Variants in ATXN7 observed in about 807,000 individuals in gnomAD.
The protein encoded by ATXN7 is ataxin 7, also known as ataxin-7.
A neutral mutation model predicts 70.5 loss-of-function variants in ATXN7; 12 were observed. The ratio of observed to expected loss-of-function variants is 0.17; its 90% CI spans 0.11 to 0.28. The LOEUF (loss-of-function observed/expected upper bound fraction) is 0.28, where lower values mean the gene tolerates loss of function less well. Ranked by LOEUF, ATXN7 falls within the 10% of genes least tolerant of loss-of-function variation. ATXN7 has a pLI of 1.00. For synonymous variants in ATXN7, 498 were observed against 448.7 expected, an observed-to-expected ratio of 1.11 and a Z score of -1.39; for missense variants, 1,256 against 1,131.7, an observed-to-expected ratio of 1.11 and a Z score of -1.58.
chr3:63,878,440 T>C (rs1237168820), intron 1 of ATXN7: 1 of 152,176 alleles, frequency 6.6e-6, no homozygotes, highest in Non-Finnish European at 1.5e-5. Context: ...GTTTAAAAGG[T>C]GTCGTTTCTG....
chr3:63,961,261 T>C (rs2075126034), intron 5 of ATXN7, among the ~76,000 whole-genome samples: 1 of 152,242 alleles, frequency 6.6e-6, no homozygotes, highest in Non-Finnish European at 1.5e-5. Context: ...TATTTTTTCA[T>C]GTTAATACAT....
intron 2 of ATXN7, among the ~76,000 whole-genome samples, chr3:63,903,485 G>A (rs1049349323): frequency 1.1e-4 from 16 of 149,570 alleles, no homozygotes; most frequent in African/African-American, 2.5e-4. Flanking sequence ...CACTTCTTTC[G>A]TTTGGACCAT....
intron 4 of ATXN7, among the ~76,000 whole-genome samples, chr3:63,928,077 G>C (rs1329986945): frequency 6.6e-6 from 1 of 152,074 alleles, no homozygotes; most frequent in African/African-American, 2.4e-5. Context: ...ATCAGTGCTG[G>C]GTAGTCTTTG....
intron 5 of ATXN7, among the ~76,000 whole-genome samples, chr3:63,971,922 TTTTTTG>T (rs545832733): frequency 1.2e-4 from 19 of 152,182 alleles, no homozygotes; most frequent in South Asian, 6.2e-4. Context: ...GTGCTGAGTT[TTTTTTG>T]TTTTTGTTTT....
At chr3:63,909,667 T>C (rs1451742676) in intron 2 of ATXN7, among the ~76,000 whole-genome samples, 4 of 152,202 alleles carry the variant, frequency 2.6e-5, no homozygotes, top group African/African-American at 7.2e-5. Context: ...GGTGACTCAT[T>C]CCAACTTTAA....
rs892589506 is a variant in ATXN7 at position 64,001,445 on chromosome 3, G to A, written c.*1978G>A. ...TACCTAGTTGATTCCTTGGTGACAA[G>A]TGCAATGGGGTATGGGTAGAATTTA... On this transcript the variant is annotated 3_prime_UTR_variant, in exon 13 of 13. Transcript: ENST00000674280. 1 of 152,186 alleles carries A rather than the reference G, an allele frequency of 6.6e-6. No individual in the cohort carries two copies. Among genetic ancestry groups the A allele is most frequent in the African/African-American group, 2.4e-5 (1 of 41,436 alleles). The allele number at this position is 152,186 out of a possible 1,614,324, so 9.4% of individuals were successfully genotyped here. A position where few individuals can be genotyped will look rare whatever the true frequency, so the allele number is the denominator to read the frequency against.
Position 63,998,395 on chromosome 3 carries a change from CTTTT to C in ATXN7, c.2662-1050_2662-1047del, listed in dbSNP as rs897606411. ...GTATACACACACGTATACACACACA[CTTTT>C]TTTTCTCTTCTTAAATCTGGTATAG... On this transcript the variant is annotated intron_variant, in intron 12 of 12. Transcript: ENST00000674280. 8 of 985,034 alleles carry C rather than the reference CTTTT, an allele frequency of 8.1e-6. No individual in the cohort carries two copies. In the African/African-American group the frequency reaches 1.1e-4, roughly 13 times the overall value. The allele number at this position is 985,034 out of a possible 1,614,324, so 61.0% of individuals were successfully genotyped here.
chr3:63,978,671 G>A (rs147830001), intron 5 of ATXN7, among the ~76,000 whole-genome samples: 2 of 152,266 alleles, frequency 1.3e-5, no homozygotes, highest in African/African-American at 4.8e-5. Flanking sequence ...CTTGATTGTA[G>A]CCTTTGTGTA....
intron 2 of ATXN7, among the ~76,000 whole-genome samples, chr3:63,899,614 T>G (rs780037838): frequency 2.0e-5 from 3 of 150,808 alleles, no homozygotes; most frequent in Non-Finnish European, 4.4e-5. Context: ...CTCTAGAAAT[T>G]TTTTTTTTCT....
At chr3:63,939,743 A>G (rs914518945) in intron 4 of ATXN7, among the ~76,000 whole-genome samples, 1 of 152,154 alleles carries the variant, frequency 6.6e-6, no homozygotes, top group African/African-American at 2.4e-5. Context: ...CCAACTCCAC[A>G]GTAACTTTGA....
intron 5 of ATXN7, among the ~76,000 whole-genome samples, chr3:63,954,330 C>T (rs1209223592): frequency 6.6e-6 from 1 of 152,188 alleles, no homozygotes; most frequent in African/African-American, 2.4e-5. Context: ...ACAAGGTTGA[C>T]GTGAGCAAGC....
At chr3:63,918,535 G>C (rs910397159) in intron 4 of ATXN7, among the ~76,000 whole-genome samples, 1 of 152,204 alleles carries the variant, frequency 6.6e-6, no homozygotes, top group African/African-American at 2.4e-5. Context: ...TCATGGCCCA[G>C]TCTTGCTTCA....
At chr3:63,892,752 C>G (rs893961307) in intron 1 of ATXN7, among the ~76,000 whole-genome samples, 1 of 152,136 alleles carries the variant, frequency 6.6e-6, no homozygotes, top group Non-Finnish European at 1.5e-5. Context: ...TCCATTTTAT[C>G]CAATTCAATT....
chr3:63,951,682 T>C lies in ATXN7; in HGVS notation c.395-697T>C, dbSNP rs1352243098. Among the ~76,000 whole-genome samples the C allele has an allele frequency of 2.0e-5, 3 of 152,354 alleles. No homozygotes were observed. The East Asian group carries it at 5.8e-4, about 29-fold the overall frequency. ...GGTATCAAGTTACTTTCAGTTTTCA[T>C]GTATATGCAGACAGTTTAGTTTTAC... On this transcript the variant is annotated intron_variant, in intron 4 of 12. Coordinates refer to ENST00000674280, the MANE Select transcript of ATXN7 (RefSeq NM_001377405.1).
In ATXN7 at chr3:63,980,037, A is replaced by G. The variant is rs767847989; in HGVS notation, c.622A>G (p.Ser208Gly). The change falls in exon 6 of 13, where the codon AGT (serine) becomes GGT (glycine). Residue 208 changes from serine (S) to glycine (G), a missense_variant. Physicochemically the swap from Ser to Gly is moderately conservative, Grantham distance 56 (BLOSUM62 0). Transcript: ENST00000674280. ...TGCAAGTGGAAGCAACCGTTCTTCC[A>G]GTGGAGGTGTTCTTAGCGCATCCTC... ...GSASGSNRSS[S>G]GGVLSASSSS... The G allele has an allele frequency of 3.1e-6, 5 of 1,614,072 alleles. No homozygotes were observed. The Admixed American group carries it at 8.3e-5, about 27-fold the overall frequency.
Position 63,924,644 on chromosome 3 carries a change from A to G in ATXN7, c.394+11419A>G, listed in dbSNP as rs149801799. 4.0e-3 allele frequency among the ~76,000 whole-genome samples: 609 copies of G among 152,232 alleles called. 7 individuals carry two copies. Among genetic ancestry groups the G allele is most frequent in the African/African-American group, 0.014 (567 of 41,510 alleles). On this transcript the variant is annotated intron_variant, in intron 4 of 12. Transcript: ENST00000674280. Reference sequence around the variant, plus strand: ...CTCTGTTATATGCTGCTGTGAAGTAAAGTCAGGCCAGAGAATCGATCTCTG... The same window carrying G: ...CTCTGTTATATGCTGCTGTGAAGTAGAGTCAGGCCAGAGAATCGATCTCTG...
At chr3:63,907,790 A>C (rs754629377) in intron 2 of ATXN7, among the ~76,000 whole-genome samples, 8 of 152,072 alleles carry the variant, frequency 5.3e-5, no homozygotes, top group Non-Finnish European at 1.2e-4. Context: ...TTTGTAAAAA[A>C]TTCCTCAGCC....
chr3:63,981,926 G>C (rs1189775848), intron 6 of ATXN7, among the ~76,000 whole-genome samples: 1 of 152,140 alleles, frequency 6.6e-6, no homozygotes, highest in Non-Finnish European at 1.5e-5. Context: ...GTTTCCCATT[G>C]CCTCATGTGT....
At chr3:63,979,434 CAG>C (rs540591268) in intron 5 of ATXN7, among the ~76,000 whole-genome samples, 153 of 151,776 alleles carry the variant, frequency 1.0e-3, no homozygotes, top group Non-Finnish European at 1.9e-3. Context: ...TGGGTAGTGA[CAG>C]GGAAAAAAAA....
Sources: gnomAD v4.1 joint callset for allele counts (sites outside exome capture counted in the v4.1 genomes callset) on GRCh38, gnomAD v4.1.1 for gene constraint, MANE v1.5 for transcripts, NCBI Gene and HGNC (gene_info 2026-07-23, HGNC 2026-07-21) for gene names.